FREM1: variants seen among roughly 807,000 people sequenced by gnomAD.
FREM1 encodes the protein FRAS1 related extracellular matrix 1.
In FREM1, 220 loss-of-function variants were observed where a neutral mutation model predicts 210.1. The observed-to-expected ratio is 1.05, with a 90% CI of 0.94 to 1.17. The LOEUF is 1.17. Ranked by LOEUF, FREM1 falls within the 50% of genes most tolerant of loss-of-function variation. The probability of loss-of-function intolerance (pLI) is 0.00; values close to 1 mark genes in which losing one functional copy is unlikely to be tolerated. For missense variants in FREM1, 3,454 were observed against 2,675.5 expected (o/e 1.29, Z -6.42); for synonymous variants, 1,189 against 980.2 (o/e 1.21, Z -3.98).
At chr9:14,872,654 C>T (rs576054305) in intron 1 of FREM1, among the ~76,000 whole-genome samples, 6,321 of 150,678 alleles carry the variant, frequency 0.042, 468 homozygotes, top group African/African-American at 0.15. Context: ...ATTGAATACC[C>T]TTTATTTCCT....
intron 1 of FREM1, among the ~76,000 whole-genome samples, chr9:14,895,921 G>T (rs907509450): frequency 6.6e-6 from 1 of 152,076 alleles, no homozygotes; most frequent in African/African-American, 2.4e-5. Context: ...TAAAAGGGAG[G>T]GGGGAAATGT....
intron 1 of FREM1, among the ~76,000 whole-genome samples, chr9:14,876,362 C>A (rs558087604): frequency 0.043 from 6,617 of 152,148 alleles, 465 homozygotes; most frequent in African/African-American, 0.15. Context: ...CTTTGTTTAC[C>A]TAAGCAAGCC....
At chr9:14,885,005 A>C (rs565659290) in intron 1 of FREM1, among the ~76,000 whole-genome samples, 2 of 126,378 alleles carry the variant, frequency 1.6e-5, no homozygotes, top group African/African-American at 3.5e-5. Flanking sequence ...GCTCACTGCA[A>C]GCTCCGCCTC....
chr9:14,851,273 CT>C lies in FREM1; in HGVS notation c.1152+10del. The C allele has an allele frequency of 6.4e-7, 1 of 1,553,506 alleles. No homozygotes were observed. Among genetic ancestry groups the C allele is most frequent in the South Asian group, 1.3e-5 (1 of 79,644 alleles). ...TCTAACTAGGCTGGAAGCTTTGTCT[CT>C]CCTTCTTACCTCATCATGTCTCCTC... On this transcript the variant is annotated intron_variant, in intron 6 of 36. Coordinates refer to ENST00000380880, the MANE Select transcript of FREM1 (RefSeq NM_001379081.2).
Position 14,769,833 on chromosome 9 carries a change from A to G in FREM1, c.5095T>C (p.Leu1699=). ...ATGTAAAGAATAGTCTTACTGTTTA[A>G]GTCCTTTTGGCTAAATTTCTCATGG... is the stretch of plus-strand genomic sequence containing the variant. ...FIHEKFSQKD[L]NSKTILYIIN... Residue 1699 remains leucine, a synonymous_variant, in exon 27 of 37, where the codon TTA becomes CTA. Transcript: ENST00000380880. The G allele has an allele frequency of 6.3e-7, 1 of 1,586,920 alleles. No individual in the cohort carries two copies. Among genetic ancestry groups the G allele is most frequent in the Non-Finnish European group, 8.6e-7 (1 of 1,165,400 alleles).
At chr9:14,787,679 T>C (rs1850629223) in intron 23 of FREM1, among the ~76,000 whole-genome samples, 1 of 152,200 alleles carries the variant, frequency 6.6e-6, no homozygotes, top group South Asian at 2.1e-4. Flanking sequence ...AGTCCCTAGA[T>C]GACTATGTGG....
At chr9:14,785,381 T>C (rs1850256214) in intron 23 of FREM1, among the ~76,000 whole-genome samples, 1 of 152,244 alleles carries the variant, frequency 6.6e-6, no homozygotes. Context: ...GGTATTTTTT[T>C]CTGGAGAACG....
At chr9:14,739,826 T>A (rs190464776) in intron 36 of FREM1, among the ~76,000 whole-genome samples, 1 of 152,210 alleles carries the variant, frequency 6.6e-6, no homozygotes, top group African/African-American at 2.4e-5. Flanking sequence ...CATGTGGCTG[T>A]ACTATAATTT....
Position 14,824,921 on chromosome 9 carries a change from C to A in FREM1, c.1953G>T (p.Leu651Phe), listed in dbSNP as rs746722251. The change falls in exon 11 of 37, where the codon TTG becomes TTT. Residue 651 changes from leucine to phenylalanine, a missense_variant. By Grantham distance (22) the Leu-to-Phe change is conservative. Coordinates refer to ENST00000380880, the MANE Select transcript of FREM1 (RefSeq NM_001379081.2). ...PKEAPGVSRH[L>F]VVKETEVAYI... ...AGGCCACCTCAGTTTCCTTGACAAC[C>A]AAATGCCGAGAAACTCCAGGAGCCT... 1 of 1,610,860 alleles carries A rather than the reference C, an allele frequency of 6.2e-7. No homozygotes were observed. The highest frequency in any genetic ancestry group is 8.5e-7 in the Non-Finnish European group (1 of 1,179,052).
At chr9:14,778,674 G>A (rs865980372) in intron 24 of FREM1, among the ~76,000 whole-genome samples, 1 of 57,488 alleles carries the variant, frequency 1.7e-5, no homozygotes, top group African/African-American at 6.6e-5. Flanking sequence ...AGGGGAGGGA[G>A]GGGAGGGAGG....
At chr9:14,886,384 C>CAAAAAA (rs60702421) in intron 1 of FREM1, among the ~76,000 whole-genome samples, 13 of 59,778 alleles carry the variant, frequency 2.2e-4, no homozygotes, top group Admixed American at 2.7e-4. Flanking sequence ...GACTCCGACT[C>CAAAAAA]AAAAAAAAAA....
intron 1 of FREM1, among the ~76,000 whole-genome samples, chr9:14,894,118 G>A (rs1297519657): frequency 6.6e-6 from 1 of 152,098 alleles, no homozygotes. Context: ...AGTGACATTT[G>A]GCTTATTTGG....
intron 6 of FREM1, 111 bp from the exon 7 acceptor site, chr9:14,848,884 A>C (rs1020003720): frequency 1.1e-5 from 6 of 548,226 alleles, no homozygotes; most frequent in Non-Finnish European, 2.0e-5. Flanking sequence ...GCGGGGATTC[A>C]CATTTCTGCA....
intron 1 of FREM1, among the ~76,000 whole-genome samples, chr9:14,895,248 T>C (rs1386195835): frequency 1.3e-5 from 2 of 152,202 alleles, no homozygotes. Flanking sequence ...TTCATACAAA[T>C]AATCAGGCCA....
chr9:14,862,482 T>G (rs1830763445), intron 3 of FREM1, among the ~76,000 whole-genome samples: 1 of 152,228 alleles, frequency 6.6e-6, no homozygotes. Context: ...ATCGTGAGCT[T>G]AAATTTAAAA....
rs541727550 is a variant in FREM1, at chr9:14,836,320, C to T, written c.1881+5127G>A. 6.6e-6 allele frequency among the ~76,000 whole-genome samples: 1 copy of T among 152,274 alleles called. No individual in the cohort carries two copies. Among genetic ancestry groups the T allele is most frequent in the South Asian group, 2.1e-4 (1 of 4,826 alleles). On this transcript the variant is annotated intron_variant, in intron 10 of 36. Transcript: ENST00000380880. The surrounding 1 kb of genome is among the most constrained non-coding windows in gnomAD (Gnocchi z 4.9). ...TTTTGCTTAATTATTATCCTTATAACTGGGATAATAGTTACTGACAAAAAG... is the reference window on the plus strand; with the variant it reads ...TTTTGCTTAATTATTATCCTTATAATTGGGATAATAGTTACTGACAAAAAG...
chr9:14,785,909 T>G lies in FREM1; in HGVS notation c.4178-1275A>C, dbSNP rs539228633. ...TTAAAAATGGTTAAGATGGTACATT[T>G]TGTGTTATGCATAATTCACCACTAT... On this transcript the variant is annotated intron_variant, in intron 23 of 36. Coordinates refer to ENST00000380880, the MANE Select transcript of FREM1 (RefSeq NM_001379081.2). Among the ~76,000 whole-genome samples, 14 of 152,322 alleles carry G rather than the reference T, an allele frequency of 9.2e-5. 1 individual carries two copies. In the South Asian group the frequency reaches 2.9e-3, roughly 32 times the overall value.
intron 10 of FREM1, among the ~76,000 whole-genome samples, chr9:14,825,315 C>T (rs1309564116): frequency 1.3e-5 from 2 of 151,184 alleles, no homozygotes; most frequent in African/African-American, 4.9e-5. Flanking sequence ...TAGTGAAACC[C>T]CGTCTCTACG....
At chr9:14,792,697 TACC>T in intron 22 of FREM1, 43 bp downstream of exon 22, 1 of 1,458,226 alleles carries the variant, frequency 6.9e-7, no homozygotes, top group African/African-American at 1.4e-5. Flanking sequence ...AGAAGATTTA[TACC>T]TGCTACGTTA....
Sources: gnomAD v4.1 joint callset for allele counts (sites outside exome capture counted in the v4.1 genomes callset) on GRCh38, gnomAD v4.1.1 for gene constraint, Gnocchi (gnomAD v3.1) non-coding constraint, MANE v1.5 for transcripts, NCBI Gene and HGNC (gene_info 2026-07-23, HGNC 2026-07-21) for gene names.